The following NLRC3 variants were observed in gnomAD, a reference collection of about 807,000 sequenced individuals.
The protein encoded by NLRC3 is NLR family CARD domain-containing protein 3.
NLRC3 carries 87 observed loss-of-function variants against 91.6 expected under a neutral mutation model. The ratio of observed to expected loss-of-function variants is 0.95; its 90% CI spans 0.80 to 1.14. NLRC3 has a LOEUF of 1.14. Ranked by LOEUF, NLRC3 falls within the 50% of genes most tolerant of loss-of-function variation. NLRC3 has a pLI of 0.00. For synonymous variants in NLRC3, 694 were observed against 625.3 expected, an observed-to-expected ratio of 1.11 and a Z score of -1.64; for missense variants, 1,577 against 1,418.6, an observed-to-expected ratio of 1.11 and a Z score of -1.79.
At position 3,564,626 on chromosome 16, in the gene NLRC3, T is replaced by C. The variant is rs1346480197; in HGVS notation, c.311A>G (p.His104Arg). Residue 104 changes from histidine to arginine, a missense_variant, in exon 5 of 20, where the codon CAC (histidine) becomes CGC (arginine). His to Arg is a conservative substitution (Grantham distance 29). Coordinates refer to ENST00000359128, the MANE Select transcript of NLRC3 (RefSeq NM_178844.4). The surrounding 1 kb of genome is among the most constrained non-coding windows in gnomAD (Gnocchi z 5.9). Reference protein sequence around the residue: ...EGLTDLQLREHDFTQVEATRG... With the variant: ...EGLTDLQLRERDFTQVEATRG... ...GGTGGCCTCCACCTGTGTGAAGTCG[T>C]GTTCCCTCAGCTGCAGGTCCGTCAG... is the stretch of plus-strand genomic sequence containing the variant. 2 of 1,609,118 alleles carry C rather than the reference T, an allele frequency of 1.2e-6. No individual in the cohort carries two copies. The highest frequency in any genetic ancestry group is 2.7e-5 in the African/African-American group (2 of 75,048).
Position 3,561,777 on chromosome 16 carries a change from T to C in NLRC3, c.1940A>G (p.Asn647Ser). The change falls in exon 6 of 20, where the codon AAC becomes AGC. Residue 647 changes from asparagine to serine, a missense_variant. By Grantham distance (46) the Asn-to-Ser change is conservative (BLOSUM62 1). Transcript: ENST00000359128. ...LYCRKLRLDT[N>S]QFQDPVMELL... is the part of the protein sequence containing the mutation. ...CTCCATCACGGGGTCCTGGAACTGG[T>C]TGGTGTCCAGCCTGGCCAAGGGGAG... 1 of 1,613,146 alleles carries C rather than the reference T, an allele frequency of 6.2e-7. No individual in the cohort carries two copies. Among genetic ancestry groups the C allele is most frequent in the Non-Finnish European group, 8.5e-7 (1 of 1,179,424 alleles).
At chr16:3,574,316 C>G (rs1298319874) in intron 1 of NLRC3, among the ~76,000 whole-genome samples, 1 of 151,930 alleles carries the variant, frequency 6.6e-6, no homozygotes, top group African/African-American at 2.4e-5. Context: ...TTTAAATAAC[C>G]AACGCTCGGC....
intron 3 of NLRC3, 94 bp from the exon 4 acceptor site, chr16:3,565,154 C>A: frequency 1.1e-6 from 1 of 935,040 alleles, no homozygotes; most frequent in Non-Finnish European, 1.6e-6. Flanking sequence ...GGTCAGGGAT[C>A]CCCTCTTCCT....
rs866317686 is a variant in NLRC3 at position 3,544,160 on chromosome 16, A to G, written c.2855+86T>C. The G allele has an allele frequency of 1.8e-5, 14 of 786,070 alleles. No homozygotes were observed. The African/African-American group carries it at 1.9e-4, about 11-fold the overall frequency. The allele number at this position is 786,070 out of a possible 1,614,324, so 48.7% of individuals were successfully genotyped here. On this transcript the variant is annotated intron_variant, in intron 16 of 19. Transcript: ENST00000359128. ...GTGGCAGAGCAAGACTCTTGTCTCGAGGAAAAAAAAAAAAAAAAAGACCTC... is the reference window on the plus strand; with the variant it reads ...GTGGCAGAGCAAGACTCTTGTCTCGGGGAAAAAAAAAAAAAAAAAGACCTC...
chr16:3,561,626 G>A (rs914391797), intron 6 of NLRC3, 76 bp downstream of exon 6: 1 of 1,013,772 alleles, frequency 9.9e-7, no homozygotes, highest in African/African-American at 1.6e-5. Flanking sequence ...GGCCAGCTGA[G>A]CAGAGGATGA....
intron 1 of NLRC3, among the ~76,000 whole-genome samples, chr16:3,575,426 G>C (rs1417215489): frequency 6.6e-6 from 1 of 152,236 alleles, no homozygotes; most frequent in Non-Finnish European, 1.5e-5. Flanking sequence ...CTGAAAGACA[G>C]AGAGACTGAG....
intron 14 of NLRC3, 61 bp from the exon 15 acceptor site, chr16:3,548,279 G>A: frequency 7.6e-7 from 1 of 1,320,956 alleles, no homozygotes; most frequent in Non-Finnish European, 1.1e-6. Flanking sequence ...CTGGGGCAGA[G>A]CCAAGGAGGC....
intron 1 of NLRC3, among the ~76,000 whole-genome samples, chr16:3,575,642 G>A (rs1225499154): frequency 6.6e-6 from 1 of 152,210 alleles, no homozygotes; most frequent in African/African-American, 2.4e-5. Context: ...TCCTGGTGTG[G>A]TGTGGGCTCA....
Position 3,556,930 on chromosome 16 carries a change from G to C in NLRC3, c.2164C>G (p.Arg722Gly), listed in dbSNP as rs368607854. 1.2e-6 allele frequency: 2 copies of C among 1,613,242 alleles called. No individual in the cohort carries two copies. Among genetic ancestry groups the C allele is most frequent in the Middle Eastern group, 1.7e-4 (1 of 5,888 alleles). ...KALADALKINRTLTSLSLQGN... is the reference protein window; with the variant it reads ...KALADALKINGTLTSLSLQGN... Reference sequence around the variant, plus strand: ...ACACACCTCAGGGAGGTCAGGGTGCGGTTGATCTTCAAAGCGTCTGCCAGC... The same window carrying C: ...ACACACCTCAGGGAGGTCAGGGTGCCGTTGATCTTCAAAGCGTCTGCCAGC... The change falls in exon 8 of 20, where the codon CGC (arginine) becomes GGC (glycine). Residue 722 changes from arginine (R) to glycine (G), a missense_variant. Arg to Gly is a moderately radical substitution (Grantham distance 125). Transcript: ENST00000359128.
rs779681185 is a variant in NLRC3, at chr16:3,554,351, A to G, written c.2184-26T>C. On this transcript the variant is annotated intron_variant, in intron 8 of 19. Coordinates refer to ENST00000359128, the MANE Select transcript of NLRC3 (RefSeq NM_178844.4). ...CTGCAGAGACAAGAAGAGGCTCATC[A>G]CTGATGGAGCAGAAGCTGGAACCCA... is the stretch of plus-strand genomic sequence containing the variant. The G allele has an allele frequency of 5.7e-6, 9 of 1,571,480 alleles. No individual in the cohort carries two copies. The South Asian group carries it at 7.8e-5, about 14-fold the overall frequency.
Position 3,540,107 on chromosome 16 carries a change from G to A in NLRC3, c.*1718C>T, listed in dbSNP as rs1415259883. 6.6e-6 allele frequency: 1 copy of A among 152,200 alleles called. No homozygotes were observed. The highest frequency in any genetic ancestry group is 2.4e-5 in the African/African-American group (1 of 41,452). 9.4% of individuals were successfully genotyped at this position (152,200 alleles called of 1,614,324 possible). On this transcript the variant is annotated 3_prime_UTR_variant, in exon 20 of 20. Transcript: ENST00000359128. ...GGCGATGTTCAATTCTGTCACTTCT[G>A]TTGAGGCTGCATTTGCCAGATTTCA...
intron 19 of NLRC3, 80 bp from the exon 20 acceptor site, chr16:3,541,995 G>T: frequency 1.1e-6 from 1 of 892,026 alleles, no homozygotes. Context: ...GAAAATGCAG[G>T]ACCCCATGCA....
intron 5 of NLRC3, 51 bp from the exon 6 acceptor site, chr16:3,561,839 G>A: frequency 1.4e-6 from 2 of 1,408,960 alleles, no homozygotes; most frequent in Non-Finnish European, 2.0e-6. Flanking sequence ...CACGGGCAGG[G>A]TGGGGGCCCT....
chr16:3,544,585 C>T, intron 15 of NLRC3: 1 of 446,916 alleles, frequency 2.2e-6, no homozygotes, highest in Non-Finnish European at 4.0e-6. Context: ...GAGTGACTGT[C>T]AGCAGGGGCT....
chr16:3,542,132 A>T, intron 19 of NLRC3, 59 bp downstream of exon 19: 1 of 1,247,638 alleles, frequency 8.0e-7, no homozygotes, highest in Non-Finnish European at 1.2e-6. Context: ...ACTGGGCAAA[A>T]GGCAGTGCGC....
chr16:3,558,857 C>T (rs778983375), intron 6 of NLRC3, among the ~76,000 whole-genome samples: 2 of 152,042 alleles, frequency 1.3e-5, no homozygotes, highest in Admixed American at 6.6e-5. Flanking sequence ...CACTGTAACT[C>T]GAACTCTCGA....
intron 12 of NLRC3, 60 bp downstream of exon 12, chr16:3,549,637 C>T (rs1567128516): frequency 2.4e-6 from 3 of 1,274,170 alleles, no homozygotes; most frequent in Middle Eastern, 1.8e-4. Context: ...GTGCCAAGTC[C>T]CTGCAGACAG....
At chr16:3,553,017 C>A (rs536801475) in intron 9 of NLRC3, among the ~76,000 whole-genome samples, 5 of 152,174 alleles carry the variant, frequency 3.3e-5, no homozygotes, top group Admixed American at 1.3e-4. Flanking sequence ...TTCCTCTTGT[C>A]CTAAATCTGG....
chr16:3,551,985 C>T (rs1026355692), intron 10 of NLRC3, among the ~76,000 whole-genome samples: 5 of 150,174 alleles, frequency 3.3e-5, no homozygotes, highest in South Asian at 2.1e-4. Flanking sequence ...CTTCATTCAT[C>T]CATCCATCCA....
Sources: gnomAD v4.1 joint callset for allele counts (sites outside exome capture counted in the v4.1 genomes callset) on GRCh38, gnomAD v4.1.1 for gene constraint, Gnocchi (gnomAD v3.1) non-coding constraint, MANE v1.5 for transcripts, NCBI Gene and HGNC (gene_info 2026-07-23, HGNC 2026-07-21) for gene names.